LOC122539214: variants seen among roughly 807,000 people sequenced by gnomAD.
chr19:52,652,038 C>A, the LOC122539214 span: 1 of 231,480 alleles, frequency 4.3e-6, no homozygotes, highest in South Asian at 6.7e-5. Context: ...TTCTACTGTT[C>A]TGCAAGGAGT....
chr19:52,684,548 T>TAACAAA, the LOC122539214 span, among the ~76,000 whole-genome samples: 1 of 124,988 alleles, frequency 8.0e-6, no homozygotes, highest in South Asian at 2.5e-4. Context: ...AGACTCTGTC[T>TAACAAA]AAAAAAAGAA....
the LOC122539214 span, among the ~76,000 whole-genome samples, chr19:52,658,469 G>A: frequency 1.3e-5 from 2 of 152,164 alleles, no homozygotes; most frequent in Admixed American, 1.3e-4. Flanking sequence ...GGGAAGCTGA[G>A]GTGAGAGAAT....
chr19:52,681,951 A>T, the LOC122539214 span, among the ~76,000 whole-genome samples: 2 of 152,144 alleles, frequency 1.3e-5, no homozygotes, highest in African/African-American at 4.8e-5. Context: ...AGGTCTAAGC[A>T]ATTCTCCTGC....
the LOC122539214 span, among the ~76,000 whole-genome samples, chr19:52,668,944 C>T: frequency 0.26 from 40,307 of 152,104 alleles, 5,580 homozygotes; most frequent in Middle Eastern, 0.34. Context: ...CCAGGGCCAT[C>T]CAGCTTCCAA....
At chr19:52,665,912 C>G in the LOC122539214 span, among the ~76,000 whole-genome samples, 5 of 151,880 alleles carry the variant, frequency 3.3e-5, no homozygotes, top group African/African-American at 1.2e-4. Context: ...TGTAATCCCC[C>G]CACTTTGGGA....
chr19:52,655,162 G>A, the LOC122539214 span: 1 of 188,196 alleles, frequency 5.3e-6, no homozygotes, highest in Non-Finnish European at 1.1e-5. Context: ...ACTCCAGCCT[G>A]AGCAAGAGAG....
the LOC122539214 span, among the ~76,000 whole-genome samples, chr19:52,653,768 A>G: frequency 6.6e-6 from 1 of 152,234 alleles, no homozygotes; most frequent in Non-Finnish European, 1.5e-5. Flanking sequence ...CTATGGTGCC[A>G]TGCAAGGTAT....
At chr19:52,686,030 T>G in the LOC122539214 span, among the ~76,000 whole-genome samples, 2,093 of 151,662 alleles carry the variant, frequency 0.014, 17 homozygotes, top group Middle Eastern at 0.044. Flanking sequence ...ACTTAATAGC[T>G]CCCAGCTCAA....
the LOC122539214 span, among the ~76,000 whole-genome samples, chr19:52,661,246 C>T: frequency 6.6e-6 from 1 of 152,122 alleles, no homozygotes; most frequent in African/African-American, 2.4e-5. Context: ...AAAGACTGTC[C>T]TCTACTGCCC....
the LOC122539214 span, among the ~76,000 whole-genome samples, chr19:52,689,501 T>C: frequency 1.3e-5 from 2 of 152,032 alleles, no homozygotes; most frequent in African/African-American, 2.4e-5. Context: ...TGGCTCCAAA[T>C]CCCTCCTCCT....
chr19:52,653,861 G>A, the LOC122539214 span, among the ~76,000 whole-genome samples: 1 of 152,126 alleles, frequency 6.6e-6, no homozygotes, highest in African/African-American at 2.4e-5. Flanking sequence ...CTTCTTAAAT[G>A]TGAGCTATAA....
At chr19:52,656,251 G>A in the LOC122539214 span, among the ~76,000 whole-genome samples, 1 of 151,912 alleles carries the variant, frequency 6.6e-6, no homozygotes, top group Admixed American at 6.6e-5. Flanking sequence ...GCCAGGCATG[G>A]GGGCTCACAC....
the LOC122539214 span, among the ~76,000 whole-genome samples, chr19:52,690,194 A>AC: frequency 2.0e-5 from 3 of 151,604 alleles, no homozygotes; most frequent in African/African-American, 7.3e-5. Context: ...AAAAAAAAAA[A>AC]AAAACAACAA....
the LOC122539214 span, among the ~76,000 whole-genome samples, chr19:52,660,204 AG>A: frequency 2.6e-4 from 40 of 152,252 alleles, no homozygotes; most frequent in Non-Finnish European, 5.4e-4. Flanking sequence ...TTAGTCAGAG[AG>A]GGCACCTCTG....
chr19:52,653,015 C>T, the LOC122539214 span: 1 of 1,426,984 alleles, frequency 7.0e-7, no homozygotes, highest in Non-Finnish European at 9.8e-7. Context: ...TGATGTTGTG[C>T]AAGGTTTGAC....
chr19:52,653,884 C>T, the LOC122539214 span, among the ~76,000 whole-genome samples: 1 of 152,286 alleles, frequency 6.6e-6, no homozygotes, highest in East Asian at 1.9e-4. Flanking sequence ...AAAGGCTTTG[C>T]CACACTCATT....
At chr19:52,684,919 C>T in the LOC122539214 span, among the ~76,000 whole-genome samples, 1 of 152,232 alleles carries the variant, frequency 6.6e-6, no homozygotes, top group Middle Eastern at 3.4e-3. Context: ...GGGCTTTTGT[C>T]CTGGGGAACA....
At chr19:52,669,382 G>A in the LOC122539214 span, among the ~76,000 whole-genome samples, 2 of 152,186 alleles carry the variant, frequency 1.3e-5, no homozygotes, top group African/African-American at 4.8e-5. Context: ...TTAATAAAAT[G>A]TAAACTGGAT....
At chr19:52,689,817 C>A in the LOC122539214 span, among the ~76,000 whole-genome samples, 1 of 152,142 alleles carries the variant, frequency 6.6e-6, no homozygotes, top group Non-Finnish European at 1.5e-5. Context: ...ACGCCTGCAT[C>A]CCGGAGGAGC....
Sources: gnomAD v4.1 joint callset for allele counts (sites outside exome capture counted in the v4.1 genomes callset) on GRCh38, gnomAD v4.1.1 for gene constraint, MANE v1.5 for transcripts.